Variants in ADD1 observed in about 807,000 individuals in gnomAD.
ADD1 encodes adducin 1.
ADD1 carries 24 observed loss-of-function variants against 80.5 expected under a neutral mutation model. The ratio of observed to expected loss-of-function variants is 0.30; its 90% CI spans 0.22 to 0.42. The LOEUF (loss-of-function observed/expected upper bound fraction) is 0.42, where lower values mean the gene tolerates loss of function less well. ADD1 is among the 10% of genes least tolerant of loss of function. The pLI is 1.00. For missense variants in ADD1, 948 were observed against 1,019.0 expected (o/e 0.93, Z 0.95); for synonymous variants, 373 against 393.8 (o/e 0.95, Z 0.63).
intron 1 of ADD1, among the ~76,000 whole-genome samples, chr4:2,866,575 T>C (rs1486835346): frequency 2.0e-5 from 3 of 152,148 alleles, no homozygotes; most frequent in Non-Finnish European, 4.4e-5. Context: ...CATTCATTCA[T>C]TTACCAAATA....
chr4:2,928,084 GTT>G, intron 15 of ADD1, 85 bp from the exon 16 acceptor site: 1 of 1,209,066 alleles, frequency 8.3e-7, no homozygotes, highest in South Asian at 1.3e-5. Flanking sequence ...TAAAATGGCA[GTT>G]TCGTGTGTGG....
At chr4:2,882,143 C>A in intron 3 of ADD1, 83 bp downstream of exon 3, 1 of 1,288,816 alleles carries the variant, frequency 7.8e-7, no homozygotes, top group Non-Finnish European at 1.1e-6. Context: ...AATAAGTGGG[C>A]ATTTAACTGT....
chr4:2,922,975 G>T (rs1357268348), intron 14 of ADD1, among the ~76,000 whole-genome samples: 1 of 152,210 alleles, frequency 6.6e-6, no homozygotes, highest in African/African-American at 2.4e-5. Context: ...AGTAATGGTG[G>T]ATGCCCCTCC....
intron 4 of ADD1, among the ~76,000 whole-genome samples, chr4:2,888,025 TA>T (rs1294640303): frequency 1.1e-4 from 17 of 152,240 alleles, no homozygotes; most frequent in Admixed American, 2.6e-4. Flanking sequence ...TTAAAATAAG[TA>T]AAAGAAGGAA....
rs143366247 is a variant in ADD1 at position 2,926,039 on chromosome 4, G to A, written c.1974G>A (p.Gln658=). ...AGAATCTGGACGAGGCTAGAGAACA[G>A]AAAGAAAAGAGTCCTCCAGACCAGC... ...SEENLDEARE[Q]KEKSPPDQPA... Residue 658 remains glutamine, a synonymous_variant, in exon 15 of 16, where the codon CAG becomes CAA. Coordinates refer to ENST00000683351, the MANE Select transcript of ADD1 (RefSeq NM_001354761.2). This position sits in a 1 kb window ranked among gnomAD's most constrained non-coding sequence, Gnocchi z 5.0. 1.7e-5 allele frequency: 27 copies of A among 1,614,006 alleles called. No homozygotes were observed. The highest frequency in any genetic ancestry group is 2.1e-5 in the Non-Finnish European group (25 of 1,180,000).
intron 15 of ADD1, among the ~76,000 whole-genome samples, 158 bp from the exon 16 acceptor site, chr4:2,928,013 C>T (rs1248120866): frequency 2.0e-5 from 3 of 152,076 alleles, no homozygotes; most frequent in Non-Finnish European, 4.4e-5. Context: ...TCCATCCAGC[C>T]GTACAGTAGA....
intron 4 of ADD1, among the ~76,000 whole-genome samples, chr4:2,886,900 A>G (rs1733465960): frequency 6.6e-6 from 1 of 152,186 alleles, no homozygotes; most frequent in African/African-American, 2.4e-5. Flanking sequence ...AGTGCGGTGA[A>G]AATGTTACAG....
intron 4 of ADD1, among the ~76,000 whole-genome samples, chr4:2,885,672 C>G (rs1490169955): frequency 6.6e-6 from 1 of 151,604 alleles, no homozygotes; most frequent in South Asian, 2.1e-4. Flanking sequence ...TGCAGTGGTG[C>G]AATCTCGGCT....
chr4:2,923,411 A>G (rs1050187441), intron 14 of ADD1, among the ~76,000 whole-genome samples: 1 of 152,128 alleles, frequency 6.6e-6, no homozygotes, highest in Non-Finnish European at 1.5e-5. Flanking sequence ...GACTCCTTGC[A>G]CTTCCTGGGT....
At chr4:2,899,819 G>C (rs1481952543) in intron 9 of ADD1, 1 of 338,134 alleles carries the variant, frequency 3.0e-6, no homozygotes, top group Non-Finnish European at 5.7e-6. Context: ...AGCAAATCCT[G>C]GCTGTCTGGG....
intron 14 of ADD1, among the ~76,000 whole-genome samples, chr4:2,924,687 T>A (rs1254470704): frequency 1.3e-5 from 2 of 152,220 alleles, no homozygotes; most frequent in African/African-American, 2.4e-5. Context: ...GTTGCTGAAT[T>A]GTTTTTCAGT....
intron 1 of ADD1, among the ~76,000 whole-genome samples, chr4:2,875,689 A>G (rs1044168131): frequency 1.1e-4 from 17 of 152,172 alleles, no homozygotes; most frequent in African/African-American, 3.6e-4. Context: ...GACAAAACAC[A>G]GCATTGGTTA....
At chr4:2,895,823 A>C (rs1272274117) in intron 6 of ADD1, among the ~76,000 whole-genome samples, 3 of 152,168 alleles carry the variant, frequency 2.0e-5, no homozygotes, top group Admixed American at 2.0e-4. Context: ...TTTTATCACC[A>C]ATTTTATATA....
chr4:2,861,334 A>G (rs537205366), intron 1 of ADD1, among the ~76,000 whole-genome samples: 8 of 152,304 alleles, frequency 5.3e-5, no homozygotes, highest in African/African-American at 1.9e-4. Context: ...TGGCCTCCCA[A>G]AGTGCTGGGA....
intron 14 of ADD1, among the ~76,000 whole-genome samples, chr4:2,923,933 CTG>C (rs1740533618): frequency 6.6e-6 from 1 of 152,254 alleles, no homozygotes; most frequent in African/African-American, 2.4e-5. Context: ...GCCCCGGCCT[CTG>C]TGCAGGGGGA....
At chr4:2,853,747 G>C (rs997312902) in intron 1 of ADD1, 1 of 151,962 alleles carries the variant, frequency 6.6e-6, no homozygotes, top group Non-Finnish European at 1.5e-5. Context: ...GGGATTACAG[G>C]TGCCCGCCAC....
Position 2,928,935 on chromosome 4 carries a change from C to T in ADD1, c.*412C>T, listed in dbSNP as rs1188922233. 4 of 191,856 alleles carry T rather than the reference C, an allele frequency of 2.1e-5. No homozygotes were observed. Among genetic ancestry groups the T allele is most frequent in the East Asian group, 1.8e-4 (1 of 5,662 alleles). The allele number at this position is 191,856 out of a possible 1,614,324, so 11.9% of individuals were successfully genotyped here. Reference sequence around the variant, plus strand: ...CCCTCCACCCTAAAGTCTCAGGTGACGGACTCAGACTCCTGGCTTCATGTG... The same window carrying T: ...CCCTCCACCCTAAAGTCTCAGGTGATGGACTCAGACTCCTGGCTTCATGTG... On this transcript the variant is annotated 3_prime_UTR_variant, in exon 16 of 16. Coordinates refer to ENST00000683351, the MANE Select transcript of ADD1 (RefSeq NM_001354761.2).
intron 13 of ADD1, among the ~76,000 whole-genome samples, chr4:2,910,093 G>A (rs908979500): frequency 3.4e-5 from 5 of 147,234 alleles, no homozygotes; most frequent in Non-Finnish European, 6.0e-5. Context: ...GGAGTAGGTG[G>A]AAGATCTGTC....
chr4:2,901,213 G>C (rs1033263672), intron 9 of ADD1: 2 of 152,374 alleles, frequency 1.3e-5, no homozygotes, highest in African/African-American at 4.8e-5. Context: ...AGGTAAGGAG[G>C]GCTGAGGTTG....
Sources: allele counts gnomAD v4.1 joint callset (sites outside exome capture counted in the v4.1 genomes callset), GRCh38; gene constraint gnomAD v4.1.1; non-coding constraint Gnocchi (gnomAD v3.1); transcripts MANE v1.5; gene names NCBI Gene and HGNC (gene_info 2026-07-23, HGNC 2026-07-21).